The following RASSF6 variants were observed in gnomAD, a reference collection of about 807,000 sequenced individuals.
RASSF6 encodes Ras association domain family member 6.
A neutral mutation model predicts 44.0 loss-of-function variants in RASSF6; 52 were observed. The ratio of observed to expected loss-of-function variants is 1.18; its 90% CI spans 0.95 to 1.49. The LOEUF is 1.49. Among genes scored for constraint, RASSF6 ranks in the 40% most tolerant of loss-of-function variants. RASSF6 has a pLI of 0.00. For synonymous variants in RASSF6, 162 were observed against 124.6 expected, an observed-to-expected ratio of 1.30 and a Z score of -2.00; for missense variants, 464 against 393.3, an observed-to-expected ratio of 1.18 and a Z score of -1.52.
chr4:73,576,552 T>C (rs1303467817), intron 9 of RASSF6, 45 bp from the exon 10 acceptor site: 27 of 1,552,518 alleles, frequency 1.7e-5, no homozygotes, highest in Non-Finnish European at 2.4e-5. Context: ...AGAACAATTA[T>C]GCAAGAGGTG....
chr4:73,616,952 C>T (rs80253254), intron 1 of RASSF6, among the ~76,000 whole-genome samples: 1 of 152,116 alleles, frequency 6.6e-6, no homozygotes, highest in Non-Finnish European at 1.5e-5. Context: ...ATCTATAATT[C>T]CATCCAGTAT....
At position 73,572,326 on chromosome 4, in the gene RASSF6, A is replaced by C. The variant is rs928472948; in HGVS notation, c.*3909T>G. 3.9e-5 allele frequency: 6 copies of C among 152,186 alleles called. No individual in the cohort carries two copies. Among genetic ancestry groups the C allele is most frequent in the Non-Finnish European group, 8.8e-5 (6 of 68,036 alleles). 9.4% of individuals were successfully genotyped at this position (152,186 alleles called of 1,614,324 possible). A position where few individuals can be genotyped will look rare whatever the true frequency, so the allele number is the denominator to read the frequency against. On this transcript the variant is annotated 3_prime_UTR_variant, in exon 11 of 11. Transcript: ENST00000307439. The stretch of plus-strand genomic sequence containing the variant: ...GAAGCCACAGTGACTTTTATGACCT[A>C]CTTCAAAGTCTCACAGTCTCTTCCA...
chr4:73,590,127 A>C (rs1724424564), intron 4 of RASSF6, among the ~76,000 whole-genome samples: 1 of 152,246 alleles, frequency 6.6e-6, no homozygotes, highest in Non-Finnish European at 1.5e-5. Flanking sequence ...GCCAGATATG[A>C]GAGATCAAAG....
upstream of RASSF6, chr4:73,620,556 G>C (rs751979438): frequency 1.1e-5 from 14 of 1,303,782 alleles, 1 homozygote; most frequent in Non-Finnish European, 1.2e-5. Flanking sequence ...TGGAGCCCCA[G>C]GAGCTGTTAA....
Position 73,580,404 on chromosome 4 carries a change from G to A in RASSF6, c.721+1413C>T, listed in dbSNP as rs1269923583. Reference sequence around the variant, plus strand: ...TATATACCCAGTAATGGGATGGCTGGGTCAAATGGTATTTCTAGTTCTAGA... The same window carrying A: ...TATATACCCAGTAATGGGATGGCTGAGTCAAATGGTATTTCTAGTTCTAGA... On this transcript the variant is annotated intron_variant, in intron 8 of 10. Coordinates refer to ENST00000307439, the MANE Select transcript of RASSF6 (RefSeq NM_177532.5). Among the ~76,000 whole-genome samples the A allele has an allele frequency of 2.1e-4, 32 of 149,068 alleles. 1 individual carries two copies. The highest frequency in any genetic ancestry group is 2.1e-3 in the Admixed American group (32 of 15,076).
Position 73,582,257 on chromosome 4 carries a change from T to C in RASSF6, c.601A>G (p.Thr201Ala), listed in dbSNP as rs768809678. The C allele has an allele frequency of 1.3e-5, 20 of 1,594,978 alleles. No homozygotes were observed. Among genetic ancestry groups the C allele is most frequent in the Non-Finnish European group, 1.7e-5 (20 of 1,168,114 alleles). Residue 201 changes from threonine (T) to alanine (A), a missense_variant, in exon 7 of 11, where the codon ACT becomes GCT. Transcript: ENST00000307439. The part of the protein sequence containing the change: ...SIFIPAFESE[T>A]KVRVNSNMRT... ...ATGTTACTGTTTACTCTGACCTTAG[T>C]TTCTGATTCAAAGGCTGGAATGAAA...
At chr4:73,610,348 TTC>T (rs1168499223) in intron 2 of RASSF6, among the ~76,000 whole-genome samples, 2 of 152,168 alleles carry the variant, frequency 1.3e-5, no homozygotes, top group Non-Finnish European at 2.9e-5. Flanking sequence ...CCTTGGTAAC[TTC>T]TCTGTTTCCA....
chr4:73,617,226 C>A (rs1726420599), intron 1 of RASSF6, among the ~76,000 whole-genome samples: 1 of 152,166 alleles, frequency 6.6e-6, no homozygotes, highest in African/African-American at 2.4e-5. Context: ...TGTGAGCATG[C>A]CACTGCCCTC....
intron 1 of RASSF6, among the ~76,000 whole-genome samples, chr4:73,614,212 C>A (rs1055894553): frequency 6.6e-6 from 1 of 152,242 alleles, no homozygotes; most frequent in Non-Finnish European, 1.5e-5. Context: ...ACTGCTACTA[C>A]CCTAAGCCAA....
intron 1 of RASSF6, among the ~76,000 whole-genome samples, chr4:73,619,419 CA>C (rs900958944): frequency 2.0e-5 from 3 of 152,206 alleles, no homozygotes; most frequent in African/African-American, 7.2e-5. Flanking sequence ...GGAACCAGTT[CA>C]ATTCCAGCAT....
At chr4:73,598,234 A>G (rs1248021417) in intron 3 of RASSF6, among the ~76,000 whole-genome samples, 2 of 152,170 alleles carry the variant, frequency 1.3e-5, no homozygotes, top group African/African-American at 4.8e-5. Context: ...TCATTTTAAA[A>G]CCCAAATCAA....
rs561437123 is a variant in RASSF6 at position 73,610,628 on chromosome 4, A to T, written c.65+1103T>A. On this transcript the variant is annotated intron_variant, in intron 2 of 10. Transcript: ENST00000307439. The stretch of plus-strand genomic sequence containing the variant: ...AGTTGCCATTCCCCTTGCCTGGAAT[A>T]CCTGCGAAAGCTGCATGGCTTGCTT... Among the ~76,000 whole-genome samples, 170 of 152,266 alleles carry T rather than the reference A, an allele frequency of 1.1e-3. 2 individuals are homozygous for T. The highest frequency in any genetic ancestry group is 4.0e-3 in the African/African-American group (166 of 41,546).
At chr4:73,606,641 T>G (rs1376765964) in intron 2 of RASSF6, among the ~76,000 whole-genome samples, 1 of 168 alleles carries the variant, frequency 6.0e-3, no homozygotes, top group African/African-American at 8.6e-3. Flanking sequence ...GCCTTATAGT[T>G]TTTTTTTTTT....
intron 4 of RASSF6, among the ~76,000 whole-genome samples, chr4:73,589,071 T>TAAAGAGGA (rs1724326333): frequency 6.6e-6 from 1 of 152,182 alleles, no homozygotes; most frequent in Non-Finnish European, 1.5e-5. Flanking sequence ...TCCCTTATCC[T>TAAAGAGGA]CTTTACTTTT....
intron 1 of RASSF6, among the ~76,000 whole-genome samples, chr4:73,613,950 C>T (rs985980684): frequency 1.3e-4 from 20 of 152,124 alleles, no homozygotes; most frequent in Admixed American, 3.3e-4. Context: ...GAGCTCCAGA[C>T]GCATGTCACC....
At chr4:73,578,638 C>T (rs1490937626) in intron 8 of RASSF6, among the ~76,000 whole-genome samples, 2 of 143,436 alleles carry the variant, frequency 1.4e-5, no homozygotes, top group Non-Finnish European at 1.5e-5. Flanking sequence ...CATTTTTTCT[C>T]TTTTTTTTTT....
chr4:73,618,301 T>TCTATCTATCTATCTATC (rs141840617), intron 1 of RASSF6, among the ~76,000 whole-genome samples: 14 of 150,332 alleles, frequency 9.3e-5, no homozygotes, highest in African/African-American at 1.7e-4. Flanking sequence ...TATAAAGTTG[T>TCTATCTATCTATCTATC]TATCTATCTA....
At chr4:73,590,899 C>G (rs947432422) in intron 4 of RASSF6, among the ~76,000 whole-genome samples, 21 of 152,140 alleles carry the variant, frequency 1.4e-4, no homozygotes, top group Admixed American at 3.3e-4. Flanking sequence ...CAGCAATGTA[C>G]TAATAAACAA....
At chr4:73,613,520 G>T (rs1415725354) in intron 1 of RASSF6, among the ~76,000 whole-genome samples, 1 of 152,080 alleles carries the variant, frequency 6.6e-6, no homozygotes, top group African/African-American at 2.4e-5. Flanking sequence ...AAATCCCCCA[G>T]TGATGACCCT....
Sources: allele counts gnomAD v4.1 joint callset (sites outside exome capture counted in the v4.1 genomes callset), GRCh38; gene constraint gnomAD v4.1.1; transcripts MANE v1.5; gene names NCBI Gene and HGNC (gene_info 2026-07-23, HGNC 2026-07-21).